Variants in CDK14 observed in about 807,000 individuals in gnomAD.
The protein encoded by CDK14 is cyclin-dependent kinase 14.
In CDK14, 34 loss-of-function variants were observed where a neutral mutation model predicts 60.7. That is an observed-to-expected ratio of 0.56 (90% CI 0.43 to 0.75). The LOEUF (loss-of-function observed/expected upper bound fraction) is 0.75. Ranked by LOEUF, CDK14 falls within the 30% of genes least tolerant of loss-of-function variation. The probability of loss-of-function intolerance (pLI) is 0.00; values close to 1 mark genes in which losing one functional copy is unlikely to be tolerated. For missense variants in CDK14, 482 were observed against 564.1 expected (o/e 0.85, Z 1.47); for synonymous variants, 197 against 203.7 (o/e 0.97, Z 0.28).
chr7:90,740,242 T>A (rs1803286612), intron 3 of CDK14, among the ~76,000 whole-genome samples: 1 of 132,986 alleles, frequency 7.5e-6, no homozygotes, highest in Admixed American at 8.3e-5. Context: ...TATGTGTATG[T>A]ATGTGTGTGT....
intron 14 of CDK14, among the ~76,000 whole-genome samples, chr7:91,145,558 C>A (rs1800600757): frequency 6.6e-6 from 1 of 152,182 alleles, no homozygotes; most frequent in South Asian, 2.1e-4. Flanking sequence ...GTGTTGACAA[C>A]AATGATAGCT....
At chr7:90,672,784 C>T (rs559395751) in intron 2 of CDK14, among the ~76,000 whole-genome samples, 1 of 152,102 alleles carries the variant, frequency 6.6e-6, no homozygotes, top group South Asian at 2.1e-4. Flanking sequence ...TCCTAAAGTG[C>T]TGGGATTACA....
At chr7:90,865,173 G>A (rs1405743763) in intron 6 of CDK14, among the ~76,000 whole-genome samples, 1 of 151,984 alleles carries the variant, frequency 6.6e-6, no homozygotes, top group Non-Finnish European at 1.5e-5. Flanking sequence ...TGTGAAGTTT[G>A]ATTTTTGTGC....
At chr7:91,147,599 T>G (rs1800696098) in intron 14 of CDK14, among the ~76,000 whole-genome samples, 1 of 152,232 alleles carries the variant, frequency 6.6e-6, no homozygotes, top group African/African-American at 2.4e-5. Flanking sequence ...CTTCTCTACA[T>G]GTAAACCATG....
intron 14 of CDK14, among the ~76,000 whole-genome samples, chr7:91,119,964 A>C (rs980551176): frequency 1.3e-5 from 2 of 152,216 alleles, no homozygotes; most frequent in African/African-American, 4.8e-5. Flanking sequence ...GTTTTTGACA[A>C]GCTACCTCCT....
chr7:91,009,681 G>T (rs958228759), intron 10 of CDK14, among the ~76,000 whole-genome samples: 1 of 151,878 alleles, frequency 6.6e-6, no homozygotes, highest in Non-Finnish European at 1.5e-5. Flanking sequence ...CTTTTTTATT[G>T]GATTACTAAT....
Position 90,601,947 on chromosome 7 carries a change from T to C in CDK14, c.92-2271T>C, listed in dbSNP as rs548399837. On this transcript the variant is annotated intron_variant, in intron 1 of 14. Coordinates refer to ENST00000380050, the MANE Select transcript of CDK14 (RefSeq NM_001287135.2). ...TTATGTATGTATGTATGTATGTATG[T>C]ATGTATGTATGTATGTATGTATGTA... 2.0e-5 allele frequency among the ~76,000 whole-genome samples: 3 copies of C among 151,868 alleles called. No homozygotes were observed. The East Asian group carries it at 5.8e-4, about 29-fold the overall frequency.
chr7:90,724,486 A>G (rs1802561963), intron 2 of CDK14, among the ~76,000 whole-genome samples: 1 of 148,342 alleles, frequency 6.7e-6, no homozygotes. Flanking sequence ...TGCTTTATTT[A>G]TTTATTTTTT....
At chr7:91,129,875 C>G (rs1800065997) in intron 14 of CDK14, among the ~76,000 whole-genome samples, 2 of 152,050 alleles carry the variant, frequency 1.3e-5, no homozygotes, top group Non-Finnish European at 2.9e-5. Flanking sequence ...GCATAACTCA[C>G]TAAATCAATG....
intron 2 of CDK14, among the ~76,000 whole-genome samples, chr7:90,651,090 C>G (rs1438952293): frequency 6.6e-6 from 1 of 152,164 alleles, no homozygotes; most frequent in East Asian, 1.9e-4. Flanking sequence ...TATCCATGAG[C>G]ATGGAATGTT....
In CDK14 at chr7:91,173,601, A is replaced by C. The variant is rs1584164995; in HGVS notation, c.*29-33564A>C. Among the ~76,000 whole-genome samples the C allele has an allele frequency of 2.0e-5, 3 of 152,148 alleles. No individual in the cohort carries two copies. The South Asian group carries it at 6.2e-4, about 32-fold the overall frequency. ...TGGGCGCAGGTCAGTGGGTGCATGC[A>C]CCGTGCGCGAGCCGAAGCAGGGCGA... On this transcript the variant is annotated intron_variant, in intron 14 of 14. Coordinates refer to ENST00000380050, the MANE Select transcript of CDK14 (RefSeq NM_001287135.2).
intron 5 of CDK14, among the ~76,000 whole-genome samples, chr7:90,799,254 G>A (rs1000814345): frequency 6.6e-6 from 1 of 152,188 alleles, no homozygotes; most frequent in African/African-American, 2.4e-5. Flanking sequence ...GTGTGTGCTT[G>A]CACAGCCAGA....
chr7:90,960,750 A>G (rs1007560601), intron 9 of CDK14, among the ~76,000 whole-genome samples: 2 of 152,178 alleles, frequency 1.3e-5, no homozygotes, highest in African/African-American at 4.8e-5. Flanking sequence ...AAGGAAATGT[A>G]TATAATAAAA....
Position 90,668,613 on chromosome 7 carries a change from T to C in CDK14, c.124-57954T>C, listed in dbSNP as rs576967705. Among the ~76,000 whole-genome samples the C allele has an allele frequency of 8.1e-5, 11 of 135,276 alleles. No individual in the cohort carries two copies. In the South Asian group the frequency reaches 2.5e-3, roughly 31 times the overall value. The allele number at this position is 135,276 out of a possible 152,430, so 88.7% of individuals were successfully genotyped here. ...CAGATAGATTTATCTCTTTATTTTC[T>C]TCTGAGAGTTTTATAGTTTTAGGTC... On this transcript the variant is annotated intron_variant, in intron 2 of 14. Transcript: ENST00000380050.
intron 10 of CDK14, among the ~76,000 whole-genome samples, chr7:91,033,267 C>T (rs1171740487): frequency 6.6e-6 from 1 of 152,154 alleles, no homozygotes; most frequent in Non-Finnish European, 1.5e-5. Context: ...GAGTGCCAAG[C>T]CAGTTTTCCA....
At chr7:90,667,205 G>A (rs545305518) in intron 2 of CDK14, among the ~76,000 whole-genome samples, 97 of 152,182 alleles carry the variant, frequency 6.4e-4, no homozygotes, top group African/African-American at 2.0e-3. Context: ...ACATTGCCTG[G>A]TATGACCTCA....
At chr7:91,046,439 CA>C in intron 11 of CDK14, among the ~76,000 whole-genome samples, 1 of 152,206 alleles carries the variant, frequency 6.6e-6, no homozygotes, top group African/African-American at 2.4e-5. Flanking sequence ...GTACAGCATT[CA>C]ATATGTTTTC....
intron 4 of CDK14, among the ~76,000 whole-genome samples, chr7:90,769,705 G>T (rs931958921): frequency 6.6e-6 from 1 of 152,098 alleles, no homozygotes; most frequent in African/African-American, 2.4e-5. Flanking sequence ...GACCTCAGGC[G>T]ATCCATCCAC....
At position 90,743,873 on chromosome 7, in the gene CDK14, C is replaced by A. The variant is rs574057639; in HGVS notation, c.370-3808C>A. On this transcript the variant is annotated intron_variant, in intron 3 of 14. Transcript: ENST00000380050. ...ATTTTCAGATTTACTCTTTTTTAAT[C>A]TCTTCTTAATAGCATATTGCTAGAT... 2.6e-4 allele frequency among the ~76,000 whole-genome samples: 40 copies of A among 151,728 alleles called. No homozygotes were observed. In the South Asian group the frequency reaches 8.2e-3, roughly 31 times the overall value.
Sources: allele counts gnomAD v4.1 joint callset (sites outside exome capture counted in the v4.1 genomes callset), GRCh38; gene constraint gnomAD v4.1.1; transcripts MANE v1.5; gene names NCBI Gene and HGNC (gene_info 2026-07-23, HGNC 2026-07-21).